The following DST variants were observed in gnomAD, a reference collection of about 807,000 sequenced individuals.
DST encodes dystonin, also known as bullous pemphigoid antigen.
Under a neutral mutation model 875.2 loss-of-function variants are expected in DST, and 253 were observed. The ratio of observed to expected loss-of-function variants is 0.29; its 90% CI spans 0.26 to 0.32. DST has a LOEUF of 0.32. Among genes scored for constraint, DST ranks in the 10% least tolerant of loss-of-function variants. The probability of loss-of-function intolerance (pLI) is 1.00; values close to 1 mark genes in which losing one functional copy is unlikely to be tolerated. For synonymous variants in DST, 3,124 were observed against 3,197.1 expected (o/e 0.98, Z 0.77); for missense variants, 8,287 against 9,111.6 (o/e 0.91, Z 3.68).
intron 85 of DST, among the ~76,000 whole-genome samples, chr6:56,491,106 T>G (rs2095721013): frequency 6.6e-6 from 1 of 152,154 alleles, no homozygotes; most frequent in Non-Finnish European, 1.5e-5. Flanking sequence ...AAAGAAACAT[T>G]AGAGATGGAG....
intron 5 of DST, among the ~76,000 whole-genome samples, chr6:56,723,205 C>A (rs2099429098): frequency 6.6e-6 from 1 of 152,124 alleles, no homozygotes; most frequent in South Asian, 2.1e-4. Flanking sequence ...AGAAATAGCT[C>A]AGTTATAATT....
chr6:56,821,502 C>A (rs1487891001), intron 4 of DST, among the ~76,000 whole-genome samples: 1 of 152,162 alleles, frequency 6.6e-6, no homozygotes, highest in African/African-American at 2.4e-5. Flanking sequence ...AAGCATTAAA[C>A]CAGAAATGAG....
intron 102 of DST, chr6:56,462,062 A>G (rs2094356876): frequency 6.6e-6 from 1 of 152,272 alleles, no homozygotes; most frequent in African/African-American, 2.4e-5. Flanking sequence ...TTTGAAAAGC[A>G]TAAGAGGGCT....
At chr6:56,620,466 C>T in intron 36 of DST, 2 of 1,614,172 alleles carry the variant, frequency 1.2e-6, no homozygotes, top group Non-Finnish European at 1.7e-6. Flanking sequence ...GCTTCACTTT[C>T]AGCCCTTATC....
chr6:56,841,154 A>G (rs2099799476), intron 4 of DST, among the ~76,000 whole-genome samples: 2 of 152,204 alleles, frequency 1.3e-5, no homozygotes, highest in Admixed American at 6.5e-5. Context: ...CAGGATAATA[A>G]GCAGTGTAGT....
intron 3 of DST, among the ~76,000 whole-genome samples, chr6:56,897,172 C>A (rs1430413204): frequency 1.3e-5 from 2 of 151,932 alleles, no homozygotes; most frequent in Non-Finnish European, 2.9e-5. Context: ...GTTTCATTCT[C>A]CTACATGTGG....
intron 94 of DST, among the ~76,000 whole-genome samples, chr6:56,471,680 T>C (rs540235131): frequency 5.3e-5 from 8 of 152,298 alleles, no homozygotes; most frequent in African/African-American, 1.9e-4. Flanking sequence ...AATTGCAGAA[T>C]CTAAAACTTG....
intron 5 of DST, among the ~76,000 whole-genome samples, chr6:56,718,672 C>T (rs755093457): frequency 2.6e-5 from 4 of 152,092 alleles, no homozygotes; most frequent in South Asian, 2.1e-4. Flanking sequence ...TCCATCAACT[C>T]TTAGGTGGAC....
chr6:56,779,794 A>G (rs2099688454), intron 4 of DST, among the ~76,000 whole-genome samples: 1 of 150,608 alleles, frequency 6.6e-6, no homozygotes, highest in African/African-American at 2.5e-5. Context: ...TTACATATGT[A>G]TACATGTGCC....
chr6:56,676,594 T>C (rs1430243332), intron 9 of DST, among the ~76,000 whole-genome samples: 2 of 151,986 alleles, frequency 1.3e-5, no homozygotes, highest in African/African-American at 4.8e-5. Context: ...TGCAGCATTA[T>C]TCACAATGGC....
At chr6:56,503,556 C>A (rs2096206843) in intron 78 of DST, among the ~76,000 whole-genome samples, 2 of 149,906 alleles carry the variant, frequency 1.3e-5, no homozygotes, top group South Asian at 4.2e-4. Context: ...AAAATCCTTA[C>A]ACTATTATCT....
At chr6:56,649,802 A>T (rs2098963928) in intron 12 of DST, among the ~76,000 whole-genome samples, 1 of 152,218 alleles carries the variant, frequency 6.6e-6, no homozygotes, top group Admixed American at 6.5e-5. Context: ...TTTTCAAGCC[A>T]AAGACATCAG....
chr6:56,653,426 C>T (rs1439391300), intron 10 of DST, among the ~76,000 whole-genome samples: 2 of 152,108 alleles, frequency 1.3e-5, no homozygotes, highest in Non-Finnish European at 2.9e-5. Context: ...TGGCTCATAC[C>T]TATAATCCCA....
At position 56,604,388 on chromosome 6, in the gene DST, A is replaced by T; in HGVS notation, c.10240T>A (p.Ser3414Thr). ...TTAGTCATGGGGGAAACTCCAGAAG[A>T]GTCACTCATTTGAGAGTCGCTGGGC... ...TVPSDSQMSD[S>T]SGVSPMTNSS... The change falls in exon 40 of 104, where the codon TCT becomes ACT. Residue 3414 changes from serine to threonine, a missense_variant. This residue lies in a region of DST where 3,138 missense variants were observed against 3,116.6 expected (regional missense o/e 1.01). Transcript: ENST00000680361. 6.2e-7 allele frequency: 1 copy of T among 1,611,778 alleles called. No individual in the cohort carries two copies. The highest frequency in any genetic ancestry group is 8.5e-7 in the Non-Finnish European group (1 of 1,178,756).
intron 69 of DST, 86 bp from the exon 70 acceptor site, chr6:56,517,706 A>G: frequency 2.1e-6 from 3 of 1,440,424 alleles, no homozygotes; most frequent in Non-Finnish European, 2.8e-6. Context: ...AAATATCCTT[A>G]TTACACAAGT....
intron 13 of DST, among the ~76,000 whole-genome samples, chr6:56,647,394 G>A (rs2098949263): frequency 6.6e-6 from 1 of 152,132 alleles, no homozygotes; most frequent in South Asian, 2.1e-4. Flanking sequence ...TCGTGCCAAG[G>A]ACAAACTCCC....
Position 56,463,713 on chromosome 6 carries a change from C to A in DST, c.22811G>T (p.Gly7604Val). Residue 7604 changes from glycine to valine, a missense_variant, in exon 101 of 104, where the codon GGT becomes GTT. Physicochemically the swap from Gly to Val is moderately radical, Grantham distance 109 (BLOSUM62 -3). Coordinates refer to ENST00000680361, the MANE Select transcript of DST (RefSeq NM_001374736.1). ...ELREKFILAD[G>V]ASQGMAAFRP... ...GAAAGCAGCCATACCCTGGCTGGCA[C>A]CATCTGCTAAAATGAACTTCTCACG... 6.2e-7 allele frequency: 1 copy of A among 1,613,998 alleles called. No individual in the cohort carries two copies. The highest frequency in any genetic ancestry group is 1.3e-5 in the African/African-American group (1 of 75,036).
intron 74 of DST, 64 bp from the exon 75 acceptor site, chr6:56,508,819 G>T: frequency 7.6e-7 from 1 of 1,310,400 alleles, no homozygotes; most frequent in Non-Finnish European, 1.1e-6. Flanking sequence ...AAAGCAGAAT[G>T]TTATAGTTCA....
intron 4 of DST, among the ~76,000 whole-genome samples, chr6:56,736,916 G>A (rs1369868022): frequency 6.6e-6 from 1 of 152,146 alleles, no homozygotes; most frequent in Non-Finnish European, 1.5e-5. Flanking sequence ...GCTTATGCCT[G>A]TAATCCCAGC....
Sources: allele counts gnomAD v4.1 joint callset (sites outside exome capture counted in the v4.1 genomes callset), GRCh38; gene constraint gnomAD v4.1.1; regional missense constraint gnomAD v4.1.1; transcripts MANE v1.5; gene names NCBI Gene and HGNC (gene_info 2026-07-23, HGNC 2026-07-21).